The following GEMIN5 variants were observed in gnomAD, a reference collection of about 807,000 sequenced individuals.
GEMIN5 encodes gem nuclear organelle associated protein 5, also known as gem-associated protein 5.
A neutral mutation model predicts 176.9 loss-of-function variants in GEMIN5; 124 were observed. The observed-to-expected ratio is 0.70, with a 90% CI of 0.61 to 0.81. GEMIN5 has a LOEUF of 0.81. Among genes scored for constraint, GEMIN5 ranks in the 40% least tolerant of loss-of-function variants. The pLI is 0.00. For synonymous variants in GEMIN5, 673 were observed against 665.2 expected (o/e 1.01, Z -0.18); for missense variants, 1,843 against 1,814.6 (o/e 1.02, Z -0.28).
chr5:154,901,746 A>G (rs1185008610), intron 20 of GEMIN5, among the ~76,000 whole-genome samples: 2 of 152,086 alleles, frequency 1.3e-5, no homozygotes, highest in Non-Finnish European at 2.9e-5. Flanking sequence ...AAATTCCTAT[A>G]ATCATAACTG....
Position 154,926,005 on chromosome 5 carries a change from T to A in GEMIN5, c.1150A>T (p.Ser384Cys), listed in dbSNP as rs751082287. Residue 384 changes from serine (S) to cysteine (C), a missense_variant, in exon 8 of 28, where the codon AGC becomes TGC. By Grantham distance (112) the Ser-to-Cys change is moderately radical. Transcript: ENST00000285873. ...TLPSLGGFAY[S>C]LAFSSVDIGS... ...ATGTCCACAGAAGAGAAAGCCAGGC[T>A]GTATGCAAACCCACCAAGGGAAGGA... 3.7e-6 allele frequency: 6 copies of A among 1,613,802 alleles called. No homozygotes were observed. The highest frequency in any genetic ancestry group is 5.1e-6 in the Non-Finnish European group (6 of 1,179,764).
chr5:154,932,000 C>T (rs1037735086), intron 4 of GEMIN5, 99 bp downstream of exon 4: 5 of 1,002,462 alleles, frequency 5.0e-6, no homozygotes, highest in East Asian at 2.5e-5. Flanking sequence ...AGCAAAACTC[C>T]GTCTCCAAAA....
chr5:154,916,271 G>GA (rs149760614), intron 13 of GEMIN5, among the ~76,000 whole-genome samples: 9,286 of 151,900 alleles, frequency 0.061, 307 homozygotes, highest in Middle Eastern at 0.085. Flanking sequence ...TAAATTTAGA[G>GA]AAAAAAACTG....
At chr5:154,889,029 C>A (rs1044738348) in intron 27 of GEMIN5, among the ~76,000 whole-genome samples, 64 of 151,942 alleles carry the variant, frequency 4.2e-4, no homozygotes, top group African/African-American at 1.5e-3. Context: ...GGCACCTGCC[C>A]CCACGCCCGG....
At chr5:154,935,778 A>G (rs1025829220) in intron 3 of GEMIN5, 63 bp downstream of exon 3, 7 of 1,198,944 alleles carry the variant, frequency 5.8e-6, no homozygotes, top group Non-Finnish European at 8.5e-6. Flanking sequence ...GAGAAGGTAA[A>G]GAAAATGCAA....
In GEMIN5 at chr5:154,928,408, C is replaced by G. The variant is rs549227269; in HGVS notation, c.914+119G>C. 9 of 839,640 alleles carry G rather than the reference C, an allele frequency of 1.1e-5. 1 individual carries two copies. The Admixed American group carries it at 2.0e-4, about 19-fold the overall frequency. 52.0% of individuals were successfully genotyped at this position (839,640 alleles called of 1,614,324 possible). A position where few individuals can be genotyped will look rare whatever the true frequency, so the allele number is the denominator to read the frequency against. ...ACAGGCATTAGTCTCATAATTTTTC[C>G]ATTTCAAATGGCCCATCATAATACA... On this transcript the variant is annotated intron_variant, in intron 6 of 27. Transcript: ENST00000285873.
chr5:154,911,843 C>T lies in GEMIN5; in HGVS notation c.2051G>A (p.Arg684Gln), dbSNP rs761575032. 44 of 1,613,906 alleles carry T rather than the reference C, an allele frequency of 2.7e-5. No individual in the cohort carries two copies. Among genetic ancestry groups the T allele is most frequent in the East Asian group, 6.7e-5 (3 of 44,892 alleles). ...PLCNFRGHRG[R>Q]LLCVAWSPLD... ...AGGAGACCATGCCACACAAAGCAGT[C>T]GACCTCGATGTCCTCGGAAATTGCA... is the stretch of plus-strand genomic sequence containing the variant. Residue 684 changes from arginine to glutamine, a missense_variant, in exon 15 of 28, where the codon CGA (arginine) becomes CAA (glutamine). Transcript: ENST00000285873.
chr5:154,930,432 C>T (rs911324621), intron 5 of GEMIN5, among the ~76,000 whole-genome samples: 1 of 152,002 alleles, frequency 6.6e-6, no homozygotes, highest in Non-Finnish European at 1.5e-5. Context: ...TTTGCCACAC[C>T]GAAATTTTAT....
chr5:154,915,904 C>A (rs1763800148), intron 13 of GEMIN5, among the ~76,000 whole-genome samples: 7 of 152,028 alleles, frequency 4.6e-5, no homozygotes, highest in Admixed American at 4.6e-4. Context: ...ATTATTCATT[C>A]ATGTTCACGA....
intron 5 of GEMIN5, 85 bp downstream of exon 5, chr5:154,931,373 A>T (rs1764157303): frequency 7.4e-7 from 1 of 1,351,224 alleles, no homozygotes; most frequent in South Asian, 1.5e-5. Flanking sequence ...AATAGATGAC[A>T]CACCCTCAGG....
At chr5:154,898,373 G>A in intron 23 of GEMIN5, 67 bp downstream of exon 23, 1 of 1,405,902 alleles carries the variant, frequency 7.1e-7, no homozygotes, top group South Asian at 1.2e-5. Context: ...TATTAACTTG[G>A]ATTTGACTAG....
At position 154,904,552 on chromosome 5, in the gene GEMIN5, G is replaced by A; in HGVS notation, c.2587C>T (p.Leu863Phe). 1 of 1,612,632 alleles carries A rather than the reference G, an allele frequency of 6.2e-7. No homozygotes were observed. Among genetic ancestry groups the A allele is most frequent in the Non-Finnish European group, 8.5e-7 (1 of 1,178,638 alleles). The change falls in exon 18 of 28, where the codon CTT becomes TTT. Residue 863 changes from leucine (L) to phenylalanine (F), a missense_variant. By Grantham distance (22) the Leu-to-Phe change is conservative (BLOSUM62 0). Coordinates refer to ENST00000285873, the MANE Select transcript of GEMIN5 (RefSeq NM_015465.5). ...GCTAGTACCAAACAGTCCTGATGAA[G>A]CTCCTCTTTGGATCTGTGGTCCAGG... ...TSLDHRSKEELHQDCLVLATA... is the reference protein window; with the variant it reads ...TSLDHRSKEEFHQDCLVLATA...
At chr5:154,928,124 C>A (rs544020489) in intron 6 of GEMIN5, among the ~76,000 whole-genome samples, 2 of 152,314 alleles carry the variant, frequency 1.3e-5, no homozygotes, top group African/African-American at 4.8e-5. Flanking sequence ...AGATTTATCT[C>A]CAGCCACTAG....
In GEMIN5 at chr5:154,922,279, T is replaced by C. The variant is rs1332434508; in HGVS notation, c.1380-854A>G. Among the ~76,000 whole-genome samples the C allele has an allele frequency of 3.3e-5, 5 of 152,050 alleles. No individual in the cohort carries two copies. The East Asian group carries it at 9.7e-4, about 30-fold the overall frequency. ...GCCTCCTGGGTTCACACCATTCTCC[T>C]GCCTCAGCCTCTGGAGTAGCTGGGA... On this transcript the variant is annotated intron_variant, in intron 9 of 27. Transcript: ENST00000285873.
Position 154,904,648 on chromosome 5 carries a change from C to T in GEMIN5, c.2510-19G>A. 6.3e-7 allele frequency: 1 copy of T among 1,594,414 alleles called. No individual in the cohort carries two copies. Among genetic ancestry groups the T allele is most frequent in the South Asian group, 1.1e-5 (1 of 90,678 alleles). ...AAGGTTTCTGAAATTTAATAAAGTACATACTATCTGAAGGAGAACTGATCA... is the reference window on the plus strand; with the variant it reads ...AAGGTTTCTGAAATTTAATAAAGTATATACTATCTGAAGGAGAACTGATCA... On this transcript the variant is annotated intron_variant, in intron 17 of 27. Transcript: ENST00000285873.
At chr5:154,905,933 C>G (rs1218947467) in intron 16 of GEMIN5, among the ~76,000 whole-genome samples, 1 of 152,098 alleles carries the variant, frequency 6.6e-6, no homozygotes, top group Non-Finnish European at 1.5e-5. Flanking sequence ...TCAGGTGATC[C>G]ACCTGCCTCA....
In GEMIN5 at chr5:154,896,356, A is replaced by G; in HGVS notation, c.3346-13T>C. The G allele has an allele frequency of 6.4e-7, 1 of 1,551,444 alleles. No individual in the cohort carries two copies. Among genetic ancestry groups the G allele is most frequent in the Non-Finnish European group, 8.7e-7 (1 of 1,152,846 alleles). ...CCAATCTCTGACCCTGGAACACGAC[A>G]ACAAGGAAGAGGAACTGTTATACAG... On this transcript the variant is annotated splice_polypyrimidine_tract_variant and intron_variant, in intron 23 of 27. Coordinates refer to ENST00000285873, the MANE Select transcript of GEMIN5 (RefSeq NM_015465.5).
intron 2 of GEMIN5, 40 bp downstream of exon 2, chr5:154,936,985 A>G (rs1286365669): frequency 6.4e-7 from 1 of 1,551,388 alleles, no homozygotes; most frequent in Admixed American, 1.7e-5. Context: ...CTCAGCACAG[A>G]TAGATAAAAA....
rs773277566 is a variant in GEMIN5, at chr5:154,898,500, C to A, written c.3285G>T (p.Leu1095=). The change falls in exon 23 of 28, where the codon CTG becomes CTT. Residue 1095 remains leucine, a synonymous_variant. Coordinates refer to ENST00000285873, the MANE Select transcript of GEMIN5 (RefSeq NM_015465.5). Reference sequence around the variant, plus strand: ...CTCCCACCCAGTTGTTGGCCAGAAGCAGCTCTTGGGCACATCTGAGAGCCA... The same window carrying A: ...CTCCCACCCAGTTGTTGGCCAGAAGAAGCTCTTGGGCACATCTGAGAGCCA... ...ASLALRCAQE[L]LLANNWVGAQ... 9 of 1,614,076 alleles carry A rather than the reference C, an allele frequency of 5.6e-6. No individual in the cohort carries two copies. In the South Asian group the frequency reaches 9.9e-5, roughly 18 times the overall value.
Sources: allele counts gnomAD v4.1 joint callset (sites outside exome capture counted in the v4.1 genomes callset), GRCh38; gene constraint gnomAD v4.1.1; transcripts MANE v1.5; gene names NCBI Gene and HGNC (gene_info 2026-07-23, HGNC 2026-07-21).